Variants in TAFA1 observed in about 807,000 individuals in gnomAD.
TAFA1 encodes chemokine-like protein TAFA-1.
Under a neutral mutation model 18.5 loss-of-function variants are expected in TAFA1, and 4 were observed. The ratio of observed to expected loss-of-function variants is 0.22; its 90% CI spans 0.11 to 0.49. The LOEUF is 0.49. Among genes scored for constraint, TAFA1 ranks in the 20% least tolerant of loss-of-function variants. TAFA1 has a pLI of 0.98. For missense variants in TAFA1, 147 were observed against 169.0 expected (o/e 0.87, Z 0.72); for synonymous variants, 56 against 55.2 (o/e 1.01, Z -0.06).
intron 3 of TAFA1, among the ~76,000 whole-genome samples, chr3:68,508,029 A>G (rs1299114473): frequency 2.0e-5 from 3 of 152,114 alleles, no homozygotes; most frequent in Non-Finnish European, 4.4e-5. Context: ...ATTTTGTCAC[A>G]GTTCTGGAGG....
chr3:68,520,096 T>C (rs1444934309), intron 3 of TAFA1, among the ~76,000 whole-genome samples: 1 of 152,214 alleles, frequency 6.6e-6, no homozygotes, highest in Non-Finnish European at 1.5e-5. Flanking sequence ...ATTGTTTTTT[T>C]TCTTTGGGAA....
intron 2 of TAFA1, among the ~76,000 whole-genome samples, chr3:68,375,535 C>T (rs2069792956): frequency 6.6e-6 from 1 of 152,074 alleles, no homozygotes; most frequent in African/African-American, 2.4e-5. Context: ...ATAAATAAGC[C>T]CAATCAAATT....
intron 2 of TAFA1, among the ~76,000 whole-genome samples, chr3:68,275,632 T>C (rs1202286182): frequency 1.3e-5 from 2 of 151,476 alleles, no homozygotes; most frequent in Admixed American, 1.3e-4. Flanking sequence ...GAGGAGATAA[T>C]GATGAGGAAT....
intron 3 of TAFA1, among the ~76,000 whole-genome samples, chr3:68,515,868 CTG>C (rs1234474365): frequency 9.2e-5 from 14 of 152,172 alleles, no homozygotes; most frequent in Admixed American, 8.5e-4. Context: ...ACCTCTTAAA[CTG>C]TGAACACGAG....
intron 2 of TAFA1, among the ~76,000 whole-genome samples, chr3:68,184,835 T>C (rs757007139): frequency 6.6e-6 from 1 of 152,168 alleles, no homozygotes; most frequent in Non-Finnish European, 1.5e-5. Context: ...TTAAAAATGT[T>C]CACTCTTCAA....
intron 2 of TAFA1, among the ~76,000 whole-genome samples, chr3:68,298,240 T>A (rs1438674236): frequency 6.6e-6 from 1 of 152,178 alleles, no homozygotes; most frequent in Non-Finnish European, 1.5e-5. Context: ...GCCACTTAGA[T>A]ATTTCTTGCA....
chr3:68,117,281 G>C (rs554132834), intron 2 of TAFA1, among the ~76,000 whole-genome samples: 2 of 152,084 alleles, frequency 1.3e-5, no homozygotes, highest in Non-Finnish European at 2.9e-5. Flanking sequence ...ATCAATTTAC[G>C]CAAAACTTCT....
intron 2 of TAFA1, among the ~76,000 whole-genome samples, chr3:68,087,885 T>G (rs151151981): frequency 4.1e-4 from 63 of 152,272 alleles, no homozygotes; most frequent in Admixed American, 9.2e-4. Context: ...TATAGGCATT[T>G]CTGTATAAAC....
At chr3:68,010,250 G>A in intron 2 of TAFA1, among the ~76,000 whole-genome samples, 1 of 152,136 alleles carries the variant, frequency 6.6e-6, no homozygotes, top group Admixed American at 6.5e-5. Flanking sequence ...CCTCTTACGG[G>A]CACTTTGGCT....
intron 2 of TAFA1, among the ~76,000 whole-genome samples, chr3:68,403,009 G>C (rs2070529020): frequency 6.6e-6 from 1 of 152,038 alleles, no homozygotes; most frequent in Admixed American, 6.6e-5. Flanking sequence ...AAGATAACAT[G>C]GTATAATACC....
intron 2 of TAFA1, among the ~76,000 whole-genome samples, chr3:68,026,661 A>T (rs968614206): frequency 1.3e-5 from 2 of 152,110 alleles, no homozygotes; most frequent in African/African-American, 2.4e-5. Flanking sequence ...TAAATTTCCC[A>T]ATGTCTCACA....
At chr3:68,363,190 T>C (rs2069502016) in intron 2 of TAFA1, among the ~76,000 whole-genome samples, 1 of 152,014 alleles carries the variant, frequency 6.6e-6, no homozygotes, top group African/African-American at 2.4e-5. Flanking sequence ...GCCTGGCACA[T>C]GGTAGGTGTT....
intron 3 of TAFA1, among the ~76,000 whole-genome samples, chr3:68,441,457 G>A (rs1034908128): frequency 1.3e-5 from 2 of 152,112 alleles, no homozygotes; most frequent in Non-Finnish European, 2.9e-5. Flanking sequence ...ATAGCTCTTG[G>A]CCTGTTACTG....
intron 3 of TAFA1, among the ~76,000 whole-genome samples, chr3:68,444,769 AAAATAT>A (rs2071445795): frequency 1.6e-5 from 1 of 63,654 alleles, no homozygotes; most frequent in East Asian, 4.9e-4. Flanking sequence ...TTGTTTCTAC[AAAATAT>A]ATATATATAT....
chr3:68,304,121 GT>G (rs1212631443), intron 2 of TAFA1, among the ~76,000 whole-genome samples: 1 of 152,270 alleles, frequency 6.6e-6, no homozygotes, highest in East Asian at 1.9e-4. Flanking sequence ...CTAAAAGCAT[GT>G]GAAAGTATTC....
intron 2 of TAFA1, among the ~76,000 whole-genome samples, chr3:68,264,464 G>A (rs982045012): frequency 4.6e-5 from 7 of 152,046 alleles, no homozygotes; most frequent in Non-Finnish European, 8.8e-5. Context: ...AGTCACTCCA[G>A]CCAATGAAAT....
chr3:68,292,045 T>C (rs180837419), intron 2 of TAFA1, among the ~76,000 whole-genome samples: 57 of 152,322 alleles, frequency 3.7e-4, no homozygotes, highest in African/African-American at 1.2e-3. Flanking sequence ...TTTTCACTCA[T>C]GTCGTTTACT....
At chr3:67,998,622 A>G in the TAFA1 span, among the ~76,000 whole-genome samples, 1 of 152,206 alleles carries the variant, frequency 6.6e-6, no homozygotes, top group South Asian at 2.1e-4. Context: ...GAAAAACCCA[A>G]AACAATCGTT....
At chr3:68,320,361 G>A (rs921419925) in intron 2 of TAFA1, among the ~76,000 whole-genome samples, 3 of 152,094 alleles carry the variant, frequency 2.0e-5, no homozygotes, top group Admixed American at 2.0e-4. Flanking sequence ...CTCTGCTCTG[G>A]GCAAGGAGAG....
Sources: gnomAD v4.1 joint callset for allele counts (sites outside exome capture counted in the v4.1 genomes callset) on GRCh38, gnomAD v4.1.1 for gene constraint, MANE v1.5 for transcripts, NCBI Gene and HGNC (gene_info 2026-07-23, HGNC 2026-07-21) for gene names.